Variants in ALMS1 observed in about 807,000 individuals in gnomAD.
ALMS1 encodes centrosome-associated protein ALMS1.
Under a neutral mutation model 352.2 loss-of-function variants are expected in ALMS1, and 271 were observed. The ratio of observed to expected loss-of-function variants is 0.77; its 90% CI spans 0.70 to 0.85. The LOEUF (loss-of-function observed/expected upper bound fraction) is 0.85, where lower values mean the gene tolerates loss of function less well. ALMS1 is among the 40% of genes least tolerant of loss of function. The pLI is 0.00. For synonymous variants in ALMS1, 1,865 were observed against 1,761.2 expected, an observed-to-expected ratio of 1.06 and a Z score of -1.48; for missense variants, 5,445 against 4,870.7, an observed-to-expected ratio of 1.12 and a Z score of -3.51.
chr2:73,431,073 C>T (rs1038951994), intron 6 of ALMS1, among the ~76,000 whole-genome samples: 11 of 151,858 alleles, frequency 7.2e-5, no homozygotes, highest in South Asian at 2.1e-4. Context: ...TGGTGGGAGG[C>T]GTGTTTCCTG....
intron 16 of ALMS1, among the ~76,000 whole-genome samples, chr2:73,594,557 T>C (rs1675505344): frequency 1.3e-5 from 2 of 152,200 alleles, no homozygotes; most frequent in African/African-American, 4.8e-5. Context: ...CATCAACACT[T>C]CTGCTGCATC....
chr2:73,530,470 C>A (rs1673885439), intron 11 of ALMS1, among the ~76,000 whole-genome samples: 1 of 152,192 alleles, frequency 6.6e-6, no homozygotes, highest in African/African-American at 2.4e-5. Context: ...GCAGCTCCAC[C>A]CCTGAGGTTT....
intron 12 of ALMS1, among the ~76,000 whole-genome samples, chr2:73,544,238 C>T (rs1211129306): frequency 6.6e-6 from 1 of 152,012 alleles, no homozygotes; most frequent in Non-Finnish European, 1.5e-5. Context: ...AAGCTGGAAA[C>T]CATCATTCTC....
intron 9 of ALMS1, among the ~76,000 whole-genome samples, chr2:73,464,132 G>C (rs1672271220): frequency 6.6e-6 from 1 of 152,134 alleles, no homozygotes. Context: ...GCCAGGCAGA[G>C]ACACAACCAA....
At chr2:73,565,320 G>A (rs1573024949) in intron 15 of ALMS1, among the ~76,000 whole-genome samples, 3 of 152,148 alleles carry the variant, frequency 2.0e-5, no homozygotes, top group African/African-American at 7.2e-5. Context: ...ATGGAACACA[G>A]GGACCAAGTA....
Position 73,449,283 on chromosome 2 carries a change from A to C in ALMS1, c.2756A>C (p.Gln919Pro), listed in dbSNP as rs751883638. ...AGAGAGAAGCCCATTATTTTTTCCC[A>C]GCAGACCCTGCCAGACTTTCTTTTC... ...SHREKPIIFS[Q>P]QTLPDFLFPE... Residue 919 changes from glutamine to proline, a missense_variant, in exon 8 of 23, where the codon CAG becomes CCG. Transcript: ENST00000613296. 4 of 1,613,976 alleles carry C rather than the reference A, an allele frequency of 2.5e-6. No individual in the cohort carries two copies. The highest frequency in any genetic ancestry group is 3.4e-6 in the Non-Finnish European group (4 of 1,179,970).
In ALMS1 at chr2:73,601,376, A is replaced by C; in HGVS notation, c.12054A>C (p.Ala4018=). 1.9e-6 allele frequency: 3 copies of C among 1,614,112 alleles called. No homozygotes were observed. The highest frequency in any genetic ancestry group is 2.5e-6 in the Non-Finnish European group (3 of 1,179,950). Residue 4018 remains alanine (A), a synonymous_variant, in exon 19 of 23, where the codon GCA becomes GCC. Coordinates refer to ENST00000613296, the MANE Select transcript of ALMS1 (RefSeq NM_001378454.1). ...ACCTGGACGGTCGGGGCTACCTGGC[A>C]GGCCCAGGCAGAGAGGCTGGCAGAG... The part of the protein sequence containing the change: ...GQHLDGRGYL[A]GPGREAGRDL...
intron 15 of ALMS1, 117 bp from the exon 16 acceptor site, chr2:73,572,145 T>TATATAAAC (rs1304164091): frequency 1.1e-5 from 10 of 881,674 alleles, no homozygotes; most frequent in Non-Finnish European, 1.7e-5. Flanking sequence ...TCTGATACCT[T>TATATAAAC]ATATAAACTA....
At chr2:73,528,626 T>C (rs952671921) in intron 11 of ALMS1, among the ~76,000 whole-genome samples, 1 of 152,214 alleles carries the variant, frequency 6.6e-6, no homozygotes, top group African/African-American at 2.4e-5. Context: ...TATAGGTTAA[T>C]TGTGTTTCTT....
At chr2:73,555,807 AATAC>A (rs1194695065) in intron 13 of ALMS1, among the ~76,000 whole-genome samples, 2 of 152,182 alleles carry the variant, frequency 1.3e-5, no homozygotes, top group Admixed American at 6.5e-5. Context: ...ACAGTAGAAT[AATAC>A]ATAACGTTCA....
chr2:73,562,065 A>G lies in ALMS1; in HGVS notation c.10384+2923A>G, dbSNP rs1019214521. Among the ~76,000 whole-genome samples the G allele has an allele frequency of 4.5e-4, 69 of 152,344 alleles. 1 individual carries two copies. The highest frequency in any genetic ancestry group is 1.7e-3 in the African/African-American group (69 of 41,582). ...ATTTGAAGGCTGACAGTGAAAATCC[A>G]ACACAATGATATCTGTTGTTGCCTC... On this transcript the variant is annotated intron_variant, in intron 15 of 22. Coordinates refer to ENST00000613296, the MANE Select transcript of ALMS1 (RefSeq NM_001378454.1).
intron 11 of ALMS1, among the ~76,000 whole-genome samples, chr2:73,523,303 G>T (rs1275762119): frequency 6.6e-6 from 1 of 152,086 alleles, no homozygotes; most frequent in Non-Finnish European, 1.5e-5. Flanking sequence ...ATAAGGCATG[G>T]ATAAGGACAG....
At chr2:73,578,906 A>G (rs1051210401) in intron 16 of ALMS1, among the ~76,000 whole-genome samples, 1 of 149,182 alleles carries the variant, frequency 6.7e-6, no homozygotes, top group Non-Finnish European at 1.5e-5. Context: ...TTCTATGTAT[A>G]TGCCTTAAGC....
intron 3 of ALMS1, among the ~76,000 whole-genome samples, chr2:73,422,642 C>G (rs1326314538): frequency 6.6e-6 from 1 of 152,066 alleles, no homozygotes; most frequent in African/African-American, 2.4e-5. Flanking sequence ...TCAAGGTTGT[C>G]ATGAGGATTA....
chr2:73,425,855 C>T (rs1671367081), intron 5 of ALMS1, among the ~76,000 whole-genome samples: 1 of 152,168 alleles, frequency 6.6e-6, no homozygotes, highest in African/African-American at 2.4e-5. Context: ...TACTGGCATC[C>T]AAATTTAAAA....
intron 1 of ALMS1, among the ~76,000 whole-genome samples, chr2:73,400,769 C>T (rs1437028380): frequency 6.6e-6 from 1 of 151,908 alleles, no homozygotes; most frequent in African/African-American, 2.4e-5. Context: ...TCCATGAGAT[C>T]TGTTGTGATG....
intron 9 of ALMS1, among the ~76,000 whole-genome samples, chr2:73,467,697 A>G (rs568905773): frequency 6.6e-6 from 1 of 152,196 alleles, no homozygotes; most frequent in South Asian, 2.1e-4. Context: ...AATGTATATC[A>G]AGAGTAGAAT....
chr2:73,452,484 G>A lies in ALMS1; in HGVS notation c.5957G>A (p.Ser1986Asn). 1.2e-6 allele frequency: 2 copies of A among 1,614,042 alleles called. No individual in the cohort carries two copies. The highest frequency in any genetic ancestry group is 1.1e-5 in the South Asian group (1 of 91,066). Residue 1986 changes from serine (S) to asparagine (N), a missense_variant, in exon 8 of 23, where the codon AGT (serine) becomes AAT (asparagine). Transcript: ENST00000613296. ...QKTGIPIGLS[S>N]SYSHSHKEKL... ...ACTGGGATACCAATAGGACTGTCTA[G>A]TTCCTACTCACATTCACATAAAGAG...
At chr2:73,410,786 G>A (rs1671061225) in intron 2 of ALMS1, among the ~76,000 whole-genome samples, 1 of 151,868 alleles carries the variant, frequency 6.6e-6, no homozygotes. Context: ...CTCATGTAGA[G>A]TTATTGGAGG....
Sources: allele counts gnomAD v4.1 joint callset (sites outside exome capture counted in the v4.1 genomes callset), GRCh38; gene constraint gnomAD v4.1.1; transcripts MANE v1.5; gene names NCBI Gene and HGNC (gene_info 2026-07-23, HGNC 2026-07-21).